The following HIVEP3 variants were observed in gnomAD, a reference collection of about 807,000 sequenced individuals.
The protein encoded by HIVEP3 is transcription factor HIVEP3.
HIVEP3 carries 49 observed loss-of-function variants against 152.8 expected under a neutral mutation model. The observed-to-expected ratio is 0.32, with a 90% confidence interval of 0.26 to 0.41. HIVEP3 has a LOEUF of 0.41. Among genes scored for constraint, HIVEP3 ranks in the 10% least tolerant of loss-of-function variants. The probability of loss-of-function intolerance (pLI) is 1.00; values close to 1 mark genes in which losing one functional copy is unlikely to be tolerated. For missense variants in HIVEP3, 2,790 were observed against 3,103.3 expected, an observed-to-expected ratio of 0.90 and a Z score of 2.40; for synonymous variants, 1,269 against 1,289.0, an observed-to-expected ratio of 0.98 and a Z score of 0.33.
intron 1 of HIVEP3, among the ~76,000 whole-genome samples, chr1:41,977,005 A>C (rs917562604): frequency 3.9e-5 from 6 of 152,142 alleles, no homozygotes; most frequent in Non-Finnish European, 7.4e-5. Flanking sequence ...GGCATCTGGG[A>C]GACTAATACA....
rs1432075409 is a variant in HIVEP3 at position 41,993,575 on chromosome 1, T to C, written n.119+42232A>G. Among the ~76,000 whole-genome samples the C allele has an allele frequency of 3.3e-5, 5 of 152,324 alleles. No individual in the cohort carries two copies. The East Asian group carries it at 5.8e-4, about 18-fold the overall frequency. ...TGGGACTGTAAACTAGTTCAACCATTGTGGAATTCAGTGCGGCGATTCCTC... is the reference window on the plus strand; with the variant it reads ...TGGGACTGTAAACTAGTTCAACCATCGTGGAATTCAGTGCGGCGATTCCTC... On this transcript the variant is annotated intron_variant and non_coding_transcript_variant, in intron 1 of 3. Coordinates refer to the HIVEP3 transcript ENST00000489103.
Position 41,580,894 on chromosome 1 carries a change from C to T in HIVEP3, c.3904G>A (p.Ala1302Thr). 1.2e-6 allele frequency: 2 copies of T among 1,611,632 alleles called. No homozygotes were observed. Among genetic ancestry groups the T allele is most frequent in the Non-Finnish European group, 1.7e-6 (2 of 1,179,004 alleles). ...PPASSSAPTSAPPLALPACPD... is the reference protein window; with the variant it reads ...PPASSSAPTSTPPLALPACPD... ...CAGGCAGGCAGGGCCAGTGGAGGAG[C>T]TGATGTAGGTGCTGAGGAGCTGGCT... is the stretch of plus-strand genomic sequence containing the variant. Residue 1302 changes from alanine to threonine, a missense_variant, in exon 4 of 9, where the codon GCT (alanine) becomes ACT (threonine). Ala to Thr is a moderately conservative substitution (Grantham distance 58, BLOSUM62 0). This residue lies in a region of HIVEP3 where 1,078 missense variants were observed against 1,165.3 expected (regional missense o/e 0.93). Coordinates refer to ENST00000372583, the MANE Select transcript of HIVEP3 (RefSeq NM_024503.5).
chr1:41,883,567 C>T (rs1422178618), intron 1 of HIVEP3, among the ~76,000 whole-genome samples: 2 of 152,218 alleles, frequency 1.3e-5, no homozygotes, highest in African/African-American at 4.8e-5. Context: ...CAATGGTACA[C>T]CTGACAGCAG....
intron 3 of HIVEP3, among the ~76,000 whole-genome samples, chr1:41,589,606 G>A (rs951980946): frequency 2.0e-5 from 3 of 152,230 alleles, no homozygotes; most frequent in Admixed American, 6.5e-5. Context: ...TGGGAGATGG[G>A]CTCTCTCAGG....
At chr1:41,810,583 G>C (rs1195376486) in intron 1 of HIVEP3, among the ~76,000 whole-genome samples, 1 of 152,204 alleles carries the variant, frequency 6.6e-6, no homozygotes, top group Admixed American at 6.5e-5. Context: ...GATCCTGGTA[G>C]GTTCATGCTT....
chr1:41,612,009 C>T (rs1360649397), intron 3 of HIVEP3, among the ~76,000 whole-genome samples: 2 of 152,152 alleles, frequency 1.3e-5, no homozygotes, highest in Non-Finnish European at 2.9e-5. Context: ...AACCTCACCT[C>T]ACCTTCCTGC....
chr1:41,818,635 G>T (rs1642485662), intron 1 of HIVEP3, among the ~76,000 whole-genome samples: 1 of 152,156 alleles, frequency 6.6e-6, no homozygotes, highest in Non-Finnish European at 1.5e-5. Flanking sequence ...AGGTTGTGGG[G>T]ACATTGGACA....
chr1:41,763,423 C>T (rs1377120949), intron 1 of HIVEP3, among the ~76,000 whole-genome samples: 1 of 152,196 alleles, frequency 6.6e-6, no homozygotes, highest in Non-Finnish European at 1.5e-5. Flanking sequence ...AGTGCTCGTC[C>T]TCTCTGAGAC....
At chr1:41,947,732 G>A (rs1023499839) in intron 1 of HIVEP3, among the ~76,000 whole-genome samples, 2 of 152,208 alleles carry the variant, frequency 1.3e-5, no homozygotes, top group African/African-American at 4.8e-5. Context: ...TCCGAGGGAC[G>A]AGCTTGCAAC....
intron 1 of HIVEP3, among the ~76,000 whole-genome samples, chr1:41,802,018 G>A (rs550162690): frequency 9.0e-4 from 137 of 152,300 alleles, no homozygotes; most frequent in Non-Finnish European, 1.3e-3. Flanking sequence ...GAAGCAAGGT[G>A]TCCAAATGTA....
At chr1:41,559,138 T>C (rs1321816911) in intron 5 of HIVEP3, among the ~76,000 whole-genome samples, 2 of 152,066 alleles carry the variant, frequency 1.3e-5, no homozygotes. Flanking sequence ...CGCTGCCTCC[T>C]TTGGTCCAAG....
chr1:41,610,888 C>T lies in HIVEP3; in HGVS notation c.-522+17861G>A, dbSNP rs116743967. Among the ~76,000 whole-genome samples the T allele has an allele frequency of 6.1e-3, 931 of 152,320 alleles. 5 individuals carry two copies. The highest frequency in any genetic ancestry group is 0.022 in the African/African-American group (897 of 41,562). On this transcript the variant is annotated intron_variant, in intron 3 of 8. Coordinates refer to ENST00000372583, the MANE Select transcript of HIVEP3 (RefSeq NM_024503.5). ...AGTCATCATCCTCAGCCTTCTTAAA[C>T]TTGCCCTGAGACCCCCCAAGCTCCC...
chr1:41,616,060 T>C (rs2149136751), intron 3 of HIVEP3, among the ~76,000 whole-genome samples: 1 of 152,176 alleles, frequency 6.6e-6, no homozygotes, highest in East Asian at 1.9e-4. Context: ...ACAAGAGACA[T>C]GCCCCAGGTG....
chr1:41,994,983 AAGAC>A (rs1302193286), intron 1 of HIVEP3, among the ~76,000 whole-genome samples: 4 of 152,214 alleles, frequency 2.6e-5, no homozygotes, highest in Non-Finnish European at 4.4e-5. Flanking sequence ...AAATATTTCA[AAGAC>A]AGACAGTAAC....
At chr1:41,541,064 G>A (rs549607179) in intron 5 of HIVEP3, among the ~76,000 whole-genome samples, 3 of 152,294 alleles carry the variant, frequency 2.0e-5, no homozygotes. Flanking sequence ...TTAGGACGCT[G>A]CGAGTGCAGT....
intron 2 of HIVEP3, among the ~76,000 whole-genome samples, chr1:41,676,071 T>A (rs1001668476): frequency 2.6e-5 from 4 of 151,884 alleles, no homozygotes; most frequent in Admixed American, 2.6e-4. Context: ...TTTTTTTTTT[T>A]GACGGAGTCT....
intron 1 of HIVEP3, among the ~76,000 whole-genome samples, chr1:41,741,304 T>C (rs976500767): frequency 1.3e-5 from 2 of 152,124 alleles, no homozygotes; most frequent in Non-Finnish European, 2.9e-5. Context: ...GGAGGAGCAA[T>C]GGAACCAAGA....
chr1:41,948,300 AG>A (rs1383044898), intron 1 of HIVEP3, among the ~76,000 whole-genome samples: 7 of 152,356 alleles, frequency 4.6e-5, no homozygotes, highest in South Asian at 2.1e-4. Context: ...AGAAGGAAAA[AG>A]GGTAAATATA....
At chr1:41,704,289 A>G (rs1646403427) in intron 1 of HIVEP3, among the ~76,000 whole-genome samples, 1 of 152,232 alleles carries the variant, frequency 6.6e-6, no homozygotes, top group Admixed American at 6.5e-5. Flanking sequence ...TCATTTGCAT[A>G]GCCCAGGCTC....
Sources: allele counts gnomAD v4.1 joint callset (sites outside exome capture counted in the v4.1 genomes callset), GRCh38; gene constraint gnomAD v4.1.1; regional missense constraint gnomAD v4.1.1; transcripts MANE v1.5; gene names NCBI Gene and HGNC (gene_info 2026-07-23, HGNC 2026-07-21).